The following NPAS3 variants were observed in gnomAD, a reference collection of about 807,000 sequenced individuals.
NPAS3 encodes the protein neuronal PAS domain-containing protein 3.
In NPAS3, 14 loss-of-function variants were observed where a neutral mutation model predicts 73.1. The ratio of observed to expected loss-of-function variants is 0.19; its 90% CI spans 0.13 to 0.30. The LOEUF is 0.30. NPAS3 is among the 10% of genes least tolerant of loss of function. NPAS3 has a pLI of 1.00. For synonymous variants in NPAS3, 620 were observed against 541.5 expected, an observed-to-expected ratio of 1.14 and a Z score of -2.01; for missense variants, 1,096 against 1,250.0, an observed-to-expected ratio of 0.88 and a Z score of 1.86.
chr14:33,171,971 G>A (rs1202498718), intron 2 of NPAS3, among the ~76,000 whole-genome samples: 4 of 152,124 alleles, frequency 2.6e-5, no homozygotes, highest in Non-Finnish European at 2.9e-5. Context: ...AGGGAATCCT[G>A]AGGAGAGGGA....
chr14:33,354,792 C>A (rs1354951159), intron 3 of NPAS3, among the ~76,000 whole-genome samples: 2 of 152,204 alleles, frequency 1.3e-5, no homozygotes, highest in Non-Finnish European at 2.9e-5. Flanking sequence ...TCACAAAGCT[C>A]TCTCAGTCCT....
chr14:32,976,553 A>G (rs2037687100), intron 1 of NPAS3, among the ~76,000 whole-genome samples: 1 of 152,200 alleles, frequency 6.6e-6, no homozygotes, highest in East Asian at 1.9e-4. Flanking sequence ...GTGCATGATC[A>G]AAGAAGTTTG....
At chr14:33,685,801 G>GTAATT (rs1355032953) in intron 6 of NPAS3, among the ~76,000 whole-genome samples, 1 of 152,028 alleles carries the variant, frequency 6.6e-6, no homozygotes, top group Admixed American at 6.6e-5. Context: ...GCATTTATGA[G>GTAATT]TAATTTATTT....
chr14:33,612,622 G>A (rs1262123620), intron 5 of NPAS3: 1 of 391,826 alleles, frequency 2.6e-6, no homozygotes, highest in Non-Finnish European at 5.1e-6. Flanking sequence ...TCAGAGTGAG[G>A]GGTGCTGGAG....
chr14:33,122,181 GAGCAGACATGCTCTTGT>G (rs2043254386), intron 2 of NPAS3, among the ~76,000 whole-genome samples: 1 of 152,112 alleles, frequency 6.6e-6, no homozygotes, highest in Non-Finnish European at 1.5e-5. Flanking sequence ...TCTGATTCTG[GAGCAGACATGCTCTTGT>G]ACATTTACAC....
intron 4 of NPAS3, among the ~76,000 whole-genome samples, chr14:33,554,505 T>C (rs1303652226): frequency 6.6e-6 from 1 of 152,230 alleles, no homozygotes; most frequent in Non-Finnish European, 1.5e-5. Context: ...AAATATGTTC[T>C]TTTTGCATTC....
At chr14:33,263,795 G>A (rs1247676355) in intron 3 of NPAS3, among the ~76,000 whole-genome samples, 1 of 151,936 alleles carries the variant, frequency 6.6e-6, no homozygotes, top group Non-Finnish European at 1.5e-5. Flanking sequence ...CTTTTATTTT[G>A]TTGAGCAGTG....
At chr14:33,189,188 C>A (rs1448218057) in intron 2 of NPAS3, among the ~76,000 whole-genome samples, 1 of 152,156 alleles carries the variant, frequency 6.6e-6, no homozygotes, top group Non-Finnish European at 1.5e-5. Context: ...CCCTTTTGGA[C>A]CCAGTTTCAT....
At chr14:33,349,015 C>T (rs1378627101) in intron 3 of NPAS3, among the ~76,000 whole-genome samples, 1 of 152,122 alleles carries the variant, frequency 6.6e-6, no homozygotes, top group African/African-American at 2.4e-5. Flanking sequence ...CACGAGTGGG[C>T]ATCCATCAGA....
intron 1 of NPAS3, among the ~76,000 whole-genome samples, chr14:32,940,466 A>G (rs761380220): frequency 1.3e-5 from 2 of 152,258 alleles, no homozygotes; most frequent in Non-Finnish European, 2.9e-5. Flanking sequence ...TTAATTGCAT[A>G]TAGCATATTG....
intron 3 of NPAS3, among the ~76,000 whole-genome samples, chr14:33,239,363 A>C (rs1312387965): frequency 6.6e-6 from 1 of 151,906 alleles, no homozygotes; most frequent in Admixed American, 6.6e-5. Flanking sequence ...ACTTGGCACT[A>C]AGTGATGTTT....
intron 3 of NPAS3, among the ~76,000 whole-genome samples, chr14:33,241,573 G>A (rs1030658442): frequency 2.0e-5 from 3 of 151,918 alleles, no homozygotes; most frequent in Non-Finnish European, 4.4e-5. Flanking sequence ...ATAAAGTGAA[G>A]GACATTTTGC....
Position 33,599,066 on chromosome 14 carries a change from GT to G in NPAS3, c.558+38864del, listed in dbSNP as rs376369264. ...TATTGCAGTCTCTTATTAGGCACAT[GT>G]TTTTTTTATCAGGCACTAGAAGCTA... On this transcript the variant is annotated intron_variant, in intron 5 of 11. Coordinates refer to ENST00000356141, the Ensembl canonical transcript of NPAS3. Among the ~76,000 whole-genome samples, 4 of 151,952 alleles carry G rather than the reference GT, an allele frequency of 2.6e-5. No individual in the cohort carries two copies. In the South Asian group the frequency reaches 8.3e-4, roughly 32 times the overall value.
chr14:33,650,136 C>G (rs1000898197), intron 5 of NPAS3, among the ~76,000 whole-genome samples: 15 of 152,162 alleles, frequency 9.9e-5, no homozygotes, highest in Non-Finnish European at 2.1e-4. Context: ...ACAGGCAATA[C>G]TCAGACCTCA....
Position 33,048,852 on chromosome 14 carries a change from G to T in NPAS3, c.51-7053G>T, listed in dbSNP as rs78368121. Among the ~76,000 whole-genome samples the T allele has an allele frequency of 5.4e-3, 823 of 152,300 alleles. 3 individuals are homozygous for T. The highest frequency in any genetic ancestry group is 0.018 in the African/African-American group (753 of 41,560). ...GAAAGTTCCAAGTATAGTCTAGTAC[G>T]CTTGCTGCCATTTGCTAAGAGGGTG... On this transcript the variant is annotated intron_variant, in intron 1 of 11. Coordinates refer to ENST00000356141, the Ensembl canonical transcript of NPAS3.
intron 4 of NPAS3, among the ~76,000 whole-genome samples, chr14:33,554,806 T>C (rs1205123737): frequency 6.6e-6 from 1 of 152,220 alleles, no homozygotes; most frequent in Non-Finnish European, 1.5e-5. Context: ...AAAACTCCTT[T>C]GACAAATATA....
intron 2 of NPAS3, among the ~76,000 whole-genome samples, chr14:33,110,918 C>T (rs995278156): frequency 2.0e-5 from 3 of 152,134 alleles, no homozygotes; most frequent in Non-Finnish European, 1.5e-5. Context: ...GGGAAGCAGG[C>T]ACTACCCACA....
intron 5 of NPAS3, chr14:33,583,301 T>C (rs1387755511): frequency 6.6e-6 from 1 of 152,182 alleles, no homozygotes; most frequent in Non-Finnish European, 1.5e-5. Flanking sequence ...AGGGTTCCAG[T>C]CGCACCTACA....
At chr14:33,777,899 C>T (rs2062871009) in intron 8 of NPAS3, among the ~76,000 whole-genome samples, 1 of 152,140 alleles carries the variant, frequency 6.6e-6, no homozygotes. Flanking sequence ...GAGTGAAAGC[C>T]GAGCTCCCAA....
Sources: gnomAD v4.1 joint callset for allele counts (sites outside exome capture counted in the v4.1 genomes callset) on GRCh38, gnomAD v4.1.1 for gene constraint, MANE v1.5 for transcripts, NCBI Gene and HGNC (gene_info 2026-07-23, HGNC 2026-07-21) for gene names.